Variants in RMDN2 observed in about 807,000 individuals in gnomAD.
The protein encoded by RMDN2 is regulator of microtubule dynamics protein 2.
In RMDN2, 61 loss-of-function variants were observed where a neutral mutation model predicts 52.8. That is an observed-to-expected ratio of 1.16 (90% CI 0.94 to 1.43). RMDN2 has a LOEUF of 1.43. Among genes scored for constraint, RMDN2 ranks in the 40% most tolerant of loss-of-function variants. RMDN2 has a pLI of 0.00. For synonymous variants in RMDN2, 180 were observed against 153.1 expected (o/e 1.18, Z -1.30); for missense variants, 592 against 475.3 (o/e 1.25, Z -2.28).
At chr2:37,942,381 T>C (rs1295634432) in intron 2 of RMDN2, among the ~76,000 whole-genome samples, 1 of 152,236 alleles carries the variant, frequency 6.6e-6, no homozygotes, top group Non-Finnish European at 1.5e-5. Flanking sequence ...TTTGTTCTTA[T>C]AAACAATGCT....
downstream of RMDN2, among the ~76,000 whole-genome samples, chr2:38,022,436 T>C (rs1462941511): frequency 6.6e-6 from 1 of 152,186 alleles, no homozygotes; most frequent in Non-Finnish European, 1.5e-5. Flanking sequence ...TTGTTCCTGC[T>C]AGATCACGAA....
rs180682702 is a variant in RMDN2, at chr2:37,951,051, C to T, written c.452+21322C>T. On this transcript the variant is annotated intron_variant, in intron 2 of 10. Coordinates refer to ENST00000354545, the MANE Select transcript of RMDN2 (RefSeq NM_001170791.3). Reference sequence around the variant, plus strand: ...TTAGACTCCCGCATTCTTTTGGGTACATCTGTGTGACCATTAACTTAAGCT... The same window carrying T: ...TTAGACTCCCGCATTCTTTTGGGTATATCTGTGTGACCATTAACTTAAGCT... Among the ~76,000 whole-genome samples the T allele has an allele frequency of 2.6e-5, 4 of 152,168 alleles. No homozygotes were observed. The East Asian group carries it at 5.8e-4, about 22-fold the overall frequency.
chr2:37,980,741 T>C (rs34865785), intron 4 of RMDN2, among the ~76,000 whole-genome samples: 63,045 of 151,940 alleles, frequency 0.41, 14,385 homozygotes, highest in East Asian at 0.78. Context: ...CCCTTACTCC[T>C]TCAGGCAGAG....
At chr2:37,963,907 C>T (rs77116712) in intron 2 of RMDN2, among the ~76,000 whole-genome samples, 1 of 147,342 alleles carries the variant, frequency 6.8e-6, no homozygotes, top group African/African-American at 2.5e-5. Context: ...CAGAGGCGCC[C>T]CCCCACCTCC....
chr2:37,939,970 A>G (rs1667639715), intron 2 of RMDN2, among the ~76,000 whole-genome samples: 1 of 152,244 alleles, frequency 6.6e-6, no homozygotes, highest in Non-Finnish European at 1.5e-5. Context: ...CAGTTTCTTC[A>G]TAGTGTGGAT....
intron 2 of RMDN2, among the ~76,000 whole-genome samples, chr2:37,946,264 G>T (rs1488007334): frequency 6.6e-6 from 1 of 152,080 alleles, no homozygotes; most frequent in Non-Finnish European, 1.5e-5. Context: ...AGGTGTAGGG[G>T]GTTGGAAGTT....
intron 10 of RMDN2, among the ~76,000 whole-genome samples, chr2:38,054,692 C>G (rs1031096426): frequency 6.6e-6 from 1 of 152,154 alleles, no homozygotes; most frequent in South Asian, 2.1e-4. Flanking sequence ...GCATGACCAC[C>G]TACCCATTTA....
In RMDN2 at chr2:37,963,962, C is replaced by T. The variant is rs1245636322; in HGVS notation, c.453-10078C>T. 3.3e-5 allele frequency among the ~76,000 whole-genome samples: 5 copies of T among 151,558 alleles called. No homozygotes were observed. In the South Asian group the frequency reaches 8.3e-4, roughly 25 times the overall value. On this transcript the variant is annotated intron_variant, in intron 2 of 10. Transcript: ENST00000354545. The stretch of plus-strand genomic sequence containing the variant: ...GCGGAGGTGCCCCCCACCTCCCTCC[C>T]GGACAGGGCGGCTGGCCGGGCGGGG...
In RMDN2 at chr2:38,011,776, GC is replaced by G. The variant is rs933850893; in HGVS notation, c.1180-5409del. On this transcript the variant is annotated intron_variant, in intron 10 of 10. Transcript: ENST00000354545. ...AGATCTGTATAATATGGAGTTGTGG[GC>G]AAGTATATTGCAGGTCATGAACAGA... Among the ~76,000 whole-genome samples, 27 of 152,186 alleles carry G rather than the reference GC, an allele frequency of 1.8e-4. 1 individual carries two copies. Among genetic ancestry groups the G allele is most frequent in the Non-Finnish European group, 2.9e-5 (2 of 68,026 alleles).
chr2:37,969,011 G>A (rs1671447988), intron 2 of RMDN2, among the ~76,000 whole-genome samples: 1 of 149,966 alleles, frequency 6.7e-6, no homozygotes, highest in Admixed American at 6.6e-5. Flanking sequence ...CCTGTTCAAA[G>A]TAGGAAACCA....
At chr2:38,041,427 G>GT (rs3057329) in intron 10 of RMDN2, among the ~76,000 whole-genome samples, 9,634 of 119,972 alleles carry the variant, frequency 0.08, 620 homozygotes, top group African/African-American at 0.12. Context: ...TTTTTTATTG[G>GT]TTTTTTTTTT....
intron 4 of RMDN2, among the ~76,000 whole-genome samples, chr2:37,977,242 T>A (rs1449410101): frequency 1.3e-5 from 2 of 152,238 alleles, no homozygotes; most frequent in South Asian, 2.1e-4. Flanking sequence ...TATGTCTACT[T>A]CTTTCTACAC....
chr2:38,017,944 G>C (rs1219289254), downstream of RMDN2, among the ~76,000 whole-genome samples: 1 of 150,214 alleles, frequency 6.7e-6, no homozygotes, highest in Admixed American at 6.6e-5. Context: ...TGGCAAGGGT[G>C]GGGGTAACAA....
chr2:37,969,541 G>A (rs1349978767), intron 2 of RMDN2, among the ~76,000 whole-genome samples: 1 of 151,148 alleles, frequency 6.6e-6, no homozygotes, highest in African/African-American at 2.4e-5. Flanking sequence ...AATTGATTTT[G>A]GAAGATTTAT....
At chr2:38,010,600 G>A (rs1457082403) in intron 10 of RMDN2, among the ~76,000 whole-genome samples, 1 of 152,212 alleles carries the variant, frequency 6.6e-6, no homozygotes, top group African/African-American at 2.4e-5. Context: ...TCTTCCAGGT[G>A]CCGTTTGTCA....
At chr2:37,964,656 A>T (rs1158742433) in intron 2 of RMDN2, among the ~76,000 whole-genome samples, 1 of 152,044 alleles carries the variant, frequency 6.6e-6, no homozygotes, top group Non-Finnish European at 1.5e-5. Flanking sequence ...GTATTCTGTT[A>T]TTTTTGGGTG....
rs138634487 is a variant in RMDN2 at position 38,049,116 on chromosome 2, G to C, written c.1714-17866G>C. On this transcript the variant is annotated intron_variant, in intron 10 of 10. Transcript: ENST00000234195. ...ATCCCATTTGTTTCCCAGGAAGCTG[G>C]CTATCAAATGAGTCTAGTTCCCTCA... Among the ~76,000 whole-genome samples the C allele has an allele frequency of 5.3e-5, 8 of 152,328 alleles. No homozygotes were observed. In the East Asian group the frequency reaches 1.3e-3, roughly 26 times the overall value.
intron 10 of RMDN2, among the ~76,000 whole-genome samples, chr2:38,005,356 A>G (rs1366887896): frequency 6.6e-6 from 1 of 152,194 alleles, no homozygotes; most frequent in Admixed American, 6.5e-5. Context: ...CATCCTCTCC[A>G]GCACCTGTTG....
At chr2:38,053,203 AT>A (rs568017422) in intron 10 of RMDN2, among the ~76,000 whole-genome samples, 6 of 152,090 alleles carry the variant, frequency 3.9e-5, no homozygotes, top group Admixed American at 2.0e-4. Context: ...TCAAATTATG[AT>A]TTTTTTTGGA....
Sources: gnomAD v4.1 joint callset for allele counts (sites outside exome capture counted in the v4.1 genomes callset) on GRCh38, gnomAD v4.1.1 for gene constraint, MANE v1.5 for transcripts, NCBI Gene and HGNC (gene_info 2026-07-23, HGNC 2026-07-21) for gene names.